PRICKLE2: variants seen among roughly 807,000 people sequenced by gnomAD.
The protein encoded by PRICKLE2 is prickle-like protein 2.
In PRICKLE2, 21 loss-of-function variants were observed where a neutral mutation model predicts 81.4. The ratio of observed to expected loss-of-function variants is 0.26; its 90% confidence interval spans 0.18 to 0.37. The LOEUF is 0.37. Ranked by LOEUF, PRICKLE2 falls within the 10% of genes least tolerant of loss-of-function variation. PRICKLE2 has a pLI of 1.00. For missense variants in PRICKLE2, 940 were observed against 1,109.0 expected, an observed-to-expected ratio of 0.85 and a Z score of 2.16; for synonymous variants, 456 against 421.5, an observed-to-expected ratio of 1.08 and a Z score of -1.00.
At chr3:64,139,963 G>C (rs697266) in intron 7 of PRICKLE2, among the ~76,000 whole-genome samples, 73,360 of 152,026 alleles carry the variant, frequency 0.48, 17,910 homozygotes, top group East Asian at 0.58. Context: ...TGGTTACTGT[G>C]TATCAACTTC....
At chr3:64,104,189 A>G (rs989439113) in intron 7 of PRICKLE2, among the ~76,000 whole-genome samples, 1 of 152,192 alleles carries the variant, frequency 6.6e-6, no homozygotes, top group South Asian at 2.1e-4. Context: ...TATCTCTTAC[A>G]TACAAATCAT....
chr3:64,129,366 T>C (rs2106982925), intron 7 of PRICKLE2, among the ~76,000 whole-genome samples: 2 of 152,328 alleles, frequency 1.3e-5, no homozygotes, highest in East Asian at 1.9e-4. Flanking sequence ...TAACAATATA[T>C]TAGTAGTTAA....
At chr3:64,241,643 C>T (rs1041169225) in intron 2 of PRICKLE2, among the ~76,000 whole-genome samples, 3 of 152,158 alleles carry the variant, frequency 2.0e-5, no homozygotes, top group Non-Finnish European at 4.4e-5. Context: ...GGCCACAGCT[C>T]TTGATCTGTC....
At chr3:64,230,166 A>G (rs1248586738), upstream of PRICKLE2, among the ~76,000 whole-genome samples, 1 of 152,212 alleles carries the variant, frequency 6.6e-6, no homozygotes, top group Non-Finnish European at 1.5e-5. Context: ...GACCTCACCC[A>G]GCTGCAAGGA....
Position 64,242,996 on chromosome 3 carries a change from G to A in PRICKLE2, c.129-44029C>T, listed in dbSNP as rs543185540. Among the ~76,000 whole-genome samples, 885 of 152,318 alleles carry A rather than the reference G, an allele frequency of 5.8e-3. 10 individuals are homozygous for A. The highest frequency in any genetic ancestry group is 0.02 in the African/African-American group (828 of 41,558). On this transcript the variant is annotated intron_variant, in intron 2 of 8. Transcript: ENST00000295902. ...AGAAACAGGAGGCCTAAGAGTTTAGGTGATGGCCCCAAAGAAAAACAGAAA... is the reference window on the plus strand; with the variant it reads ...AGAAACAGGAGGCCTAAGAGTTTAGATGATGGCCCCAAAGAAAAACAGAAA...
intron 2 of PRICKLE2, among the ~76,000 whole-genome samples, chr3:64,179,019 C>CTTTA (rs774600551): frequency 5.3e-5 from 7 of 132,354 alleles, no homozygotes; most frequent in African/African-American, 1.5e-4. Context: ...TTCTTTCTTT[C>CTTTA]TTTCTTTCTT....
chr3:64,155,049 T>G (rs2107030147), intron 5 of PRICKLE2: 1 of 150,510 alleles, frequency 6.6e-6, no homozygotes, highest in Non-Finnish European at 1.5e-5. Context: ...CTCAGGAGGT[T>G]CGGTCAGGAG....
chr3:64,216,489 T>C (rs1021473021), intron 1 of PRICKLE2, among the ~76,000 whole-genome samples: 5 of 152,206 alleles, frequency 3.3e-5, no homozygotes, highest in Non-Finnish European at 7.4e-5. Flanking sequence ...TCGCAGATGC[T>C]CAATTGCTAT....
chr3:64,266,326 C>G (rs1191203705), intron 2 of PRICKLE2, among the ~76,000 whole-genome samples: 13 of 152,190 alleles, frequency 8.5e-5, no homozygotes, highest in Admixed American at 8.5e-4. Flanking sequence ...TTCCTTTCCT[C>G]CAAACAGAAA....
rs575414554 is a variant in PRICKLE2 at position 64,098,986 on chromosome 3, C to A, written c.*65G>T. ...CCCAAAAGCGCTTTAACATTTAAAA[C>A]AGTGCAAGTTTCTGACTTTACATTC... On this transcript the variant is annotated 3_prime_UTR_variant, in exon 8 of 8. Transcript: ENST00000638394. The A allele has an allele frequency of 1.3e-6, 2 of 1,597,672 alleles. No homozygotes were observed. Among genetic ancestry groups the A allele is most frequent in the Non-Finnish European group, 1.7e-6 (2 of 1,165,778 alleles).
chr3:64,155,614 T>G (rs1017976360), intron 5 of PRICKLE2, among the ~76,000 whole-genome samples: 1 of 152,094 alleles, frequency 6.6e-6, no homozygotes, highest in African/African-American at 2.4e-5. Flanking sequence ...AGCCAAAAAG[T>G]GGAAACAACT....
intron 1 of PRICKLE2, among the ~76,000 whole-genome samples, chr3:64,222,553 C>A (rs915427739): frequency 1.3e-5 from 2 of 152,118 alleles, no homozygotes; most frequent in Admixed American, 1.3e-4. Flanking sequence ...CAAAATTGTG[C>A]CATAGCAGTG....
upstream of PRICKLE2, among the ~76,000 whole-genome samples, chr3:64,229,739 A>G (rs1194617975): frequency 6.6e-6 from 1 of 152,194 alleles, no homozygotes; most frequent in Non-Finnish European, 1.5e-5. Flanking sequence ...TCCCTTTTCA[A>G]ATGTGTGCAT....
chr3:64,206,348 T>C (rs2078689781), intron 1 of PRICKLE2, among the ~76,000 whole-genome samples: 1 of 152,038 alleles, frequency 6.6e-6, no homozygotes, highest in African/African-American at 2.4e-5. Flanking sequence ...CAGGTGTGGG[T>C]TTTACCAATA....
Position 64,257,826 on chromosome 3 carries a change from C to T in PRICKLE2, c.129-58859G>A, listed in dbSNP as rs988852653. Among the ~76,000 whole-genome samples, 7 of 152,216 alleles carry T rather than the reference C, an allele frequency of 4.6e-5. 1 individual carries two copies. The highest frequency in any genetic ancestry group is 1.7e-4 in the African/African-American group (7 of 41,524). ...CAAATTCATAGGTTTAAATCCTAAC[C>T]CCTAAAGTGATAGTATTAGAAGATG... On this transcript the variant is annotated intron_variant, in intron 2 of 8. Transcript: ENST00000295902.
intron 7 of PRICKLE2, among the ~76,000 whole-genome samples, chr3:64,123,764 A>G (rs1247587453): frequency 2.0e-5 from 3 of 152,226 alleles, no homozygotes; most frequent in Non-Finnish European, 4.4e-5. Context: ...GGTAAATAAT[A>G]TCATTAAATG....
In PRICKLE2 at chr3:64,139,063, T is replaced by C. The variant is rs181435559; in HGVS notation, c.1660+7767A>G. Among the ~76,000 whole-genome samples the C allele has an allele frequency of 2.6e-4, 40 of 152,370 alleles. 1 individual carries two copies. Among genetic ancestry groups the C allele is most frequent in the African/African-American group, 8.9e-4 (37 of 41,588 alleles). ...GTGAGTGGTTCCAGTTGTTGCTTTA[T>C]ATCCTCATGTTGTTGTTTTCTGGTT... is the stretch of plus-strand genomic sequence containing the variant. On this transcript the variant is annotated intron_variant, in intron 7 of 7. Coordinates refer to ENST00000638394, the MANE Select transcript of PRICKLE2 (RefSeq NM_198859.4).
At chr3:64,134,975 A>G (rs547119873) in intron 7 of PRICKLE2, among the ~76,000 whole-genome samples, 8 of 152,346 alleles carry the variant, frequency 5.3e-5, no homozygotes, top group African/African-American at 1.7e-4. Flanking sequence ...TGCCAGGATG[A>G]GAAACCCTAG....
rs1021813066 is a variant in PRICKLE2 at position 64,095,483 on chromosome 3, A to C, written c.*3568T>G. 6.6e-5 allele frequency: 10 copies of C among 152,216 alleles called. No individual in the cohort carries two copies. The highest frequency in any genetic ancestry group is 2.2e-4 in the African/African-American group (9 of 41,436). The allele number at this position is 152,216 out of a possible 1,614,324, so 9.4% of individuals were successfully genotyped here. A position where few individuals can be genotyped will look rare whatever the true frequency, so the allele number is the denominator to read the frequency against. Reference sequence around the variant, plus strand: ...GTGTTGCAAAGATCTGTGAGGCTGCATCCACATTCTCAGCAAGAGTATACA... The same window carrying C: ...GTGTTGCAAAGATCTGTGAGGCTGCCTCCACATTCTCAGCAAGAGTATACA... On this transcript the variant is annotated 3_prime_UTR_variant, in exon 8 of 8. Coordinates refer to ENST00000638394, the MANE Select transcript of PRICKLE2 (RefSeq NM_198859.4).
Sources: gnomAD v4.1 joint callset for allele counts (sites outside exome capture counted in the v4.1 genomes callset) on GRCh38, gnomAD v4.1.1 for gene constraint, MANE v1.5 for transcripts, NCBI Gene and HGNC (gene_info 2026-07-23, HGNC 2026-07-21) for gene names.